PPP2R2D: variants seen among roughly 807,000 people sequenced by gnomAD.
The protein encoded by PPP2R2D is serine/threonine-protein phosphatase 2A 55 kDa regulatory subunit B delta isoform.
Under a neutral mutation model 31.1 loss-of-function variants are expected in PPP2R2D, and 9 were observed. The ratio of observed to expected loss-of-function variants is 0.29; its 90% CI spans 0.17 to 0.51. The LOEUF (loss-of-function observed/expected upper bound fraction) is 0.51. Among genes scored for constraint, PPP2R2D ranks in the 20% least tolerant of loss-of-function variants. The pLI, the probability that PPP2R2D is intolerant of heterozygous loss-of-function variation, is 0.98. For missense variants in PPP2R2D, 391 were observed against 465.6 expected (o/e 0.84, Z 1.48); for synonymous variants, 179 against 172.6 (o/e 1.04, Z -0.29).
chr10:131,954,870 G>A (rs2036765061), intron 8 of PPP2R2D, among the ~76,000 whole-genome samples: 1 of 152,218 alleles, frequency 6.6e-6, no homozygotes, highest in African/African-American at 2.4e-5. Flanking sequence ...AAGGACGGCT[G>A]GAGAAACCAG....
At chr10:131,950,655 C>G (rs897988687) in intron 8 of PPP2R2D, among the ~76,000 whole-genome samples, 12 of 152,176 alleles carry the variant, frequency 7.9e-5, no homozygotes, top group Non-Finnish European at 1.8e-4. Flanking sequence ...GGGAGCCTGG[C>G]CCTGCAGAAA....
Position 131,957,426 on chromosome 10 carries a change from C to T in PPP2R2D, c.*1463C>T, listed in dbSNP as rs1288937512. 5.3e-6 allele frequency: 1 copy of T among 188,232 alleles called. No individual in the cohort carries two copies. The highest frequency in any genetic ancestry group is 1.1e-5 in the Non-Finnish European group (1 of 91,152). The allele number at this position is 188,232 out of a possible 1,614,324, so 11.7% of individuals were successfully genotyped here. ...TGGAGATGGAGGTGTGTGCTGATCC[C>T]CCATCCCATCCCCCTGTCTAGATGA... is the stretch of plus-strand genomic sequence containing the variant. On this transcript the variant is annotated 3_prime_UTR_variant, in exon 9 of 9. Transcript: ENST00000455566.
chr10:131,956,697 C>T lies in PPP2R2D; in HGVS notation c.*734C>T, dbSNP rs7077744. On this transcript the variant is annotated 3_prime_UTR_variant, in exon 9 of 9. Coordinates refer to ENST00000455566, the MANE Select transcript of PPP2R2D (RefSeq NM_018461.5). The stretch of plus-strand genomic sequence containing the variant: ...GCATTTCTGTCCCCAAGCTGCTGCC[C>T]GCTGTGTTTCTGTAGAAGTAGCCCA... 0.25 allele frequency: 103,906 copies of T among 421,854 alleles called. 13,626 individuals carry two copies. The highest frequency in any genetic ancestry group is 0.45 in the East Asian group (2,785 of 6,196). 26.1% of individuals were successfully genotyped at this position (421,854 alleles called of 1,614,324 possible). A position where few individuals can be genotyped will look rare whatever the true frequency, so the allele number is the denominator to read the frequency against.
chr10:131,929,829 C>T (rs2036183250), intron 2 of PPP2R2D, among the ~76,000 whole-genome samples: 2 of 152,342 alleles, frequency 1.3e-5, no homozygotes, highest in South Asian at 2.1e-4. Context: ...TCTGCTTCCT[C>T]ATAGCACCCG....
chr10:131,910,821 C>T (rs1010170207), intron 2 of PPP2R2D, among the ~76,000 whole-genome samples: 1 of 152,092 alleles, frequency 6.6e-6, no homozygotes, highest in Non-Finnish European at 1.5e-5. Context: ...TCCCCAACCT[C>T]GGGGAGTGGT....
chr10:131,925,132 G>A (rs1351750198), intron 2 of PPP2R2D, among the ~76,000 whole-genome samples: 2 of 152,134 alleles, frequency 1.3e-5, no homozygotes, highest in Non-Finnish European at 2.9e-5. Flanking sequence ...TAATCTGGAT[G>A]CCTTTTATTT....
chr10:131,914,413 A>G (rs1390248163), intron 2 of PPP2R2D, among the ~76,000 whole-genome samples: 1 of 152,116 alleles, frequency 6.6e-6, no homozygotes, highest in African/African-American at 2.4e-5. Flanking sequence ...TTTCCTAGTC[A>G]TTTCTGGAAG....
intron 2 of PPP2R2D, among the ~76,000 whole-genome samples, chr10:131,907,282 T>A (rs2035607659): frequency 6.6e-6 from 1 of 152,212 alleles, no homozygotes; most frequent in African/African-American, 2.4e-5. Flanking sequence ...TGTAGAATTT[T>A]CATTTACTTA....
At chr10:131,902,442 G>A (rs1210804139) in intron 2 of PPP2R2D, among the ~76,000 whole-genome samples, 1 of 152,078 alleles carries the variant, frequency 6.6e-6, no homozygotes, top group Non-Finnish European at 1.5e-5. Context: ...CATGACCCCT[G>A]AGGACATCTG....
intron 8 of PPP2R2D, among the ~76,000 whole-genome samples, chr10:131,950,414 G>A (rs1208200848): frequency 2.0e-5 from 3 of 151,938 alleles, no homozygotes; most frequent in Non-Finnish European, 4.4e-5. Flanking sequence ...AGGAAAAAAC[G>A]CAAATTACCT....
chr10:131,940,323 TA>T, intron 4 of PPP2R2D, 127 bp downstream of exon 4: 1 of 580,232 alleles, frequency 1.7e-6, no homozygotes, highest in Non-Finnish European at 3.1e-6. Context: ...GTAAGTTATC[TA>T]GGGTAGCAAG....
chr10:131,922,363 T>A (rs1554894356), intron 2 of PPP2R2D, among the ~76,000 whole-genome samples: 1 of 152,110 alleles, frequency 6.6e-6, no homozygotes, highest in Non-Finnish European at 1.5e-5. Context: ...TGTGGGCTAA[T>A]ACATTTGTTA....
At chr10:131,952,206 C>T (rs1289417530) in intron 8 of PPP2R2D, among the ~76,000 whole-genome samples, 8 of 35,684 alleles carry the variant, frequency 2.2e-4, no homozygotes, top group South Asian at 1.5e-3. Context: ...CAGTGACTTG[C>T]GGGTGTGCGG....
downstream of PPP2R2D, among the ~76,000 whole-genome samples, chr10:131,962,949 G>A (rs1434368989): frequency 6.6e-6 from 1 of 152,200 alleles, no homozygotes; most frequent in African/African-American, 2.4e-5. Context: ...CGGATCACGA[G>A]GTCAGGAGTT....
Position 131,913,184 on chromosome 10 carries a change from A to ATTTT in PPP2R2D, c.100+11869_100+11872dup, listed in dbSNP as rs36188479. On this transcript the variant is annotated intron_variant, in intron 2 of 8. Transcript: ENST00000455566. The stretch of plus-strand genomic sequence containing the variant: ...ACAGGGATGCCACCATGCCCGGCTA[A>ATTTT]TTTTTTTTTTTTTTTTTTGTATTTT... 5.8e-3 allele frequency among the ~76,000 whole-genome samples: 776 copies of ATTTT among 134,794 alleles called. 8 individuals are homozygous for ATTTT. The highest frequency in any genetic ancestry group is 0.021 in the African/African-American group (748 of 35,676). 88.4% of individuals were successfully genotyped at this position (134,794 alleles called of 152,430 possible).
intron 2 of PPP2R2D, among the ~76,000 whole-genome samples, chr10:131,920,430 C>G (rs1477729195): frequency 2.0e-5 from 3 of 152,004 alleles, no homozygotes; most frequent in Non-Finnish European, 4.4e-5. Context: ...GGTGGAATGA[C>G]ACAGTGTTTG....
At chr10:131,908,086 A>G (rs962903450) in intron 2 of PPP2R2D, among the ~76,000 whole-genome samples, 15 of 152,184 alleles carry the variant, frequency 9.9e-5, no homozygotes, top group Non-Finnish European at 2.1e-4. Flanking sequence ...TATTAGATAC[A>G]ACTGTTAATT....
chr10:131,901,156 G>C lies in PPP2R2D; in HGVS notation c.7+1G>C. On this transcript the variant is annotated splice_donor_variant, in intron 1 of 8. Coordinates refer to ENST00000455566, the MANE Select transcript of PPP2R2D (RefSeq NM_018461.5). LOFTEE classifies it high-confidence loss of function. ...GTCCCGCCGCCGGCTGCCATGGCAG[G>C]TGAGGGGTCTGCGCGGGCCGGCGGG... The C allele has an allele frequency of 3.3e-6, 1 of 305,274 alleles. No individual in the cohort carries two copies. The allele number at this position is 305,274 out of a possible 1,614,324, so 18.9% of individuals were successfully genotyped here.
chr10:131,954,436 C>T (rs1228999617), intron 8 of PPP2R2D, among the ~76,000 whole-genome samples: 2 of 152,248 alleles, frequency 1.3e-5, no homozygotes, highest in African/African-American at 4.8e-5. Context: ...GGGGAACCCC[C>T]AGTCAATGGC....
Sources: gnomAD v4.1 joint callset for allele counts (sites outside exome capture counted in the v4.1 genomes callset) on GRCh38, gnomAD v4.1.1 for gene constraint, MANE v1.5 for transcripts, NCBI Gene and HGNC (gene_info 2026-07-23, HGNC 2026-07-21) for gene names.